Variants in KCNB2 observed in about 807,000 individuals in gnomAD.
KCNB2 encodes the protein potassium voltage-gated channel subfamily B member 2.
Under a neutral mutation model 61.5 loss-of-function variants are expected in KCNB2, and 15 were observed. The observed-to-expected ratio is 0.24, with a 90% CI of 0.16 to 0.38. The LOEUF (loss-of-function observed/expected upper bound fraction) is 0.38, where lower values mean the gene tolerates loss of function less well. Ranked by LOEUF, KCNB2 falls within the 10% of genes least tolerant of loss-of-function variation. The pLI is 1.00. For missense variants in KCNB2, 828 were observed against 1,125.2 expected, an observed-to-expected ratio of 0.74 and a Z score of 3.78; for synonymous variants, 457 against 446.0, an observed-to-expected ratio of 1.02 and a Z score of -0.31.
At chr8:72,934,103 T>A (rs1170854134) in intron 2 of KCNB2, among the ~76,000 whole-genome samples, 1 of 151,816 alleles carries the variant, frequency 6.6e-6, no homozygotes, top group East Asian at 1.9e-4. Context: ...CAATGAAAGA[T>A]ATAAAGGGGC....
chr8:72,898,840 T>C (rs1806035434), intron 2 of KCNB2, among the ~76,000 whole-genome samples: 1 of 152,144 alleles, frequency 6.6e-6, no homozygotes, highest in African/African-American at 2.4e-5. Flanking sequence ...ATTGTCCCCA[T>C]CTTTATGTCC....
chr8:72,898,343 A>C (rs1806025811), intron 2 of KCNB2, among the ~76,000 whole-genome samples: 1 of 152,098 alleles, frequency 6.6e-6, no homozygotes, highest in African/African-American at 2.4e-5. Flanking sequence ...CCTAATGTTA[A>C]ATGATGAATT....
intron 2 of KCNB2, among the ~76,000 whole-genome samples, chr8:72,883,252 T>C (rs1379989960): frequency 1.3e-5 from 2 of 152,212 alleles, no homozygotes; most frequent in East Asian, 1.9e-4. Context: ...GAAACAACTA[T>C]GTGGTGAAAC....
At chr8:72,716,866 T>A (rs1807452907) in intron 2 of KCNB2, among the ~76,000 whole-genome samples, 2 of 152,138 alleles carry the variant, frequency 1.3e-5, no homozygotes, top group African/African-American at 4.8e-5. Flanking sequence ...AAAGAGGAAG[T>A]CAAATTGTCC....
chr8:72,842,452 A>G lies in KCNB2; in HGVS notation c.580-93483A>G, dbSNP rs1047715744. On this transcript the variant is annotated intron_variant, in intron 2 of 2. Coordinates refer to ENST00000523207, the MANE Select transcript of KCNB2 (RefSeq NM_004770.3). ...ATCAGGATGATGCTGGCCTCATAAA[A>G]TGAGTTAGGGAGGATTCCCTCTTTT... is the stretch of plus-strand genomic sequence containing the variant. Among the ~76,000 whole-genome samples, 4 of 152,306 alleles carry G rather than the reference A, an allele frequency of 2.6e-5. 1 individual carries two copies.
intron 2 of KCNB2, among the ~76,000 whole-genome samples, chr8:72,902,995 T>A (rs1435557209): frequency 6.6e-6 from 1 of 152,316 alleles, no homozygotes; most frequent in Non-Finnish European, 1.5e-5. Context: ...ATAAGGGTGG[T>A]TCTGGATAAC....
chr8:72,766,655 A>T (rs1808464575), intron 2 of KCNB2, among the ~76,000 whole-genome samples: 1 of 152,184 alleles, frequency 6.6e-6, no homozygotes, highest in Admixed American at 6.5e-5. Context: ...GCGTGCACTT[A>T]TGTTTTCTGG....
chr8:72,739,390 G>A (rs576957303), intron 2 of KCNB2, among the ~76,000 whole-genome samples: 2 of 152,174 alleles, frequency 1.3e-5, no homozygotes, highest in South Asian at 4.2e-4. Context: ...AATTAGACGA[G>A]TAGAGAAGTT....
intron 2 of KCNB2, among the ~76,000 whole-genome samples, chr8:72,838,525 C>T (rs987990162): frequency 2.6e-5 from 4 of 152,112 alleles, no homozygotes; most frequent in African/African-American, 4.8e-5. Flanking sequence ...TGGGCATTTG[C>T]GTTGGTTCCA....
chr8:72,588,123 A>T (rs1195576474), intron 2 of KCNB2, among the ~76,000 whole-genome samples: 2 of 152,124 alleles, frequency 1.3e-5, no homozygotes, highest in African/African-American at 4.8e-5. Context: ...TGTCTTCCTC[A>T]TAAATTTTTA....
At chr8:72,561,731 A>ATATG (rs1806525887) in intron 1 of KCNB2, among the ~76,000 whole-genome samples, 2 of 21,358 alleles carry the variant, frequency 9.4e-5, no homozygotes, top group South Asian at 1.4e-3. Context: ...ATATATATCT[A>ATATG]TATCTATATA....
chr8:72,690,414 A>G lies in KCNB2; in HGVS notation c.579+122101A>G, dbSNP rs1378911762. ...CTACGATCTTTGTGTCTGTAGACCAATTGAGGATCCCTCCTTTAGGGAAAT... is the reference window on the plus strand; with the variant it reads ...CTACGATCTTTGTGTCTGTAGACCAGTTGAGGATCCCTCCTTTAGGGAAAT... On this transcript the variant is annotated intron_variant, in intron 2 of 2. Coordinates refer to ENST00000523207, the MANE Select transcript of KCNB2 (RefSeq NM_004770.3). 2.6e-5 allele frequency among the ~76,000 whole-genome samples: 4 copies of G among 152,362 alleles called. No homozygotes were observed. The South Asian group carries it at 6.2e-4, about 24-fold the overall frequency.
rs1004912801 is a variant in KCNB2, at chr8:72,906,813, A to T, written c.580-29122A>T. Among the ~76,000 whole-genome samples the T allele has an allele frequency of 2.6e-5, 4 of 152,186 alleles. No individual in the cohort carries two copies. The South Asian group carries it at 8.3e-4, about 32-fold the overall frequency. On this transcript the variant is annotated intron_variant, in intron 2 of 2. Transcript: ENST00000523207. ...TGTATTACCTGTCCTTGTAGGACGC[A>T]CTGGGCAATTAAGACCATGGGTGTC...
intron 2 of KCNB2, among the ~76,000 whole-genome samples, chr8:72,883,646 C>G (rs532827200): frequency 7.0e-4 from 107 of 152,240 alleles, no homozygotes; most frequent in African/African-American, 2.2e-3. Context: ...TGAAGCTCCC[C>G]CCAGTATCCC....
intron 2 of KCNB2, among the ~76,000 whole-genome samples, chr8:72,585,645 G>A (rs1806990743): frequency 6.6e-6 from 1 of 152,158 alleles, no homozygotes; most frequent in African/African-American, 2.4e-5. Flanking sequence ...TGGGATTACA[G>A]GCATGAGCCG....
chr8:72,937,118 T>C lies in KCNB2; in HGVS notation c.1763T>C (p.Val588Ala). Residue 588 changes from valine to alanine, a missense_variant, in exon 3 of 3, where the codon GTG (valine) becomes GCG (alanine). This residue lies in a region of KCNB2 where 559 missense variants were observed against 588.4 expected (regional missense o/e 0.95). Transcript: ENST00000523207. ...GTGTGTCCACAGGAGCAGCTGGCCG[T>C]GGCACAGACCGAGGTCATTGTGGAC... ...EVVCPQEQLA[V>A]AQTEVIVDMK... 1 of 1,614,146 alleles carries C rather than the reference T, an allele frequency of 6.2e-7. No individual in the cohort carries two copies. Among genetic ancestry groups the C allele is most frequent in the East Asian group, 2.2e-5 (1 of 44,856 alleles).
At chr8:72,568,751 C>A (rs1806665689) in intron 2 of KCNB2, among the ~76,000 whole-genome samples, 1 of 151,990 alleles carries the variant, frequency 6.6e-6, no homozygotes, top group Admixed American at 6.6e-5. Context: ...TGTAGAGGTT[C>A]AAGGAAAGAG....
chr8:72,617,411 G>A (rs973479836), intron 2 of KCNB2, among the ~76,000 whole-genome samples: 11 of 152,044 alleles, frequency 7.2e-5, no homozygotes, highest in African/African-American at 2.7e-4. Context: ...TTAGAAAGGC[G>A]GGGATTTGGC....
intron 2 of KCNB2, among the ~76,000 whole-genome samples, chr8:72,620,187 A>G (rs1435376310): frequency 6.6e-6 from 1 of 152,248 alleles, no homozygotes; most frequent in Non-Finnish European, 1.5e-5. Context: ...TTAGAGAAAC[A>G]AAAGTTTCTG....
Sources: allele counts gnomAD v4.1 joint callset (sites outside exome capture counted in the v4.1 genomes callset), GRCh38; gene constraint gnomAD v4.1.1; regional missense constraint gnomAD v4.1.1; transcripts MANE v1.5; gene names NCBI Gene and HGNC (gene_info 2026-07-23, HGNC 2026-07-21).